MMRN1: variants seen among roughly 807,000 people sequenced by gnomAD.
The protein encoded by MMRN1 is multimerin 1, also known as multimerin-1.
MMRN1 carries 94 observed loss-of-function variants against 100.7 expected under a neutral mutation model. The observed-to-expected ratio is 0.93, with a 90% CI of 0.79 to 1.11. MMRN1 has a LOEUF of 1.11. Ranked by LOEUF, MMRN1 falls within the 50% of genes least tolerant of loss-of-function variation. The probability of loss-of-function intolerance (pLI) is 0.00; values close to 1 mark genes in which losing one functional copy is unlikely to be tolerated. For synonymous variants in MMRN1, 575 were observed against 505.0 expected (o/e 1.14, Z -1.86); for missense variants, 1,606 against 1,439.1 (o/e 1.12, Z -1.88).
chr4:89,904,043 G>A (rs1236858434), intron 1 of MMRN1, among the ~76,000 whole-genome samples: 1 of 151,586 alleles, frequency 6.6e-6, no homozygotes, highest in Non-Finnish European at 1.5e-5. Context: ...TCTACGAGGT[G>A]AAAAAAGCAT....
At chr4:89,943,128 A>T (rs1722885209) in intron 6 of MMRN1, among the ~76,000 whole-genome samples, 1 of 152,162 alleles carries the variant, frequency 6.6e-6, no homozygotes, top group Non-Finnish European at 1.5e-5. Flanking sequence ...AAGAAGAAAC[A>T]AAAGAGACAG....
At chr4:89,925,302 A>ATTTTTTTT (rs1176427401) in intron 4 of MMRN1, among the ~76,000 whole-genome samples, 2 of 101,962 alleles carry the variant, frequency 2.0e-5, no homozygotes, top group Non-Finnish European at 3.8e-5. Flanking sequence ...TGCCTGGTTA[A>ATTTTTTTT]TTTTTTTTTT....
chr4:89,925,422 A>G (rs1423867840), intron 4 of MMRN1, among the ~76,000 whole-genome samples: 2 of 145,914 alleles, frequency 1.4e-5, no homozygotes, highest in African/African-American at 5.0e-5. Flanking sequence ...TGCTGGGACT[A>G]CAGCCGTGAG....
chr4:89,930,643 TAG>T (rs1204493180), intron 5 of MMRN1, among the ~76,000 whole-genome samples: 1 of 152,174 alleles, frequency 6.6e-6, no homozygotes, highest in South Asian at 2.1e-4. Flanking sequence ...TCATGAGAAT[TAG>T]AGTCATTTTT....
intron 6 of MMRN1, among the ~76,000 whole-genome samples, chr4:89,949,703 G>T (rs1008322745): frequency 1.3e-5 from 2 of 152,092 alleles, no homozygotes; most frequent in Non-Finnish European, 1.5e-5. Context: ...ATATTGCAGA[G>T]AATATATCAA....
intron 4 of MMRN1, among the ~76,000 whole-genome samples, chr4:89,925,819 C>G (rs1722240175): frequency 6.6e-6 from 1 of 152,138 alleles, no homozygotes; most frequent in South Asian, 2.1e-4. Flanking sequence ...TGATAACCAT[C>G]CTTGTACTCT....
chr4:89,936,010 C>T lies in MMRN1; in HGVS notation c.2330C>T (p.Pro777Leu). 6.2e-7 allele frequency: 1 copy of T among 1,613,084 alleles called. No homozygotes were observed. Among genetic ancestry groups the T allele is most frequent in the Non-Finnish European group, 8.5e-7 (1 of 1,179,570 alleles). Reference sequence around the variant, plus strand: ...ATGGAAACTATTTTGACATTTATTCCTCAGTTCCACCGTCTGAATGATTCT... The same window carrying T: ...ATGGAAACTATTTTGACATTTATTCTTCAGTTCCACCGTCTGAATGATTCT... Reference protein sequence around the residue: ...SDMETILTFIPQFHRLNDSIQ... With the variant: ...SDMETILTFILQFHRLNDSIQ... Residue 777 changes from proline to leucine, a missense_variant, in exon 6 of 8, where the codon CCT (proline) becomes CTT (leucine). Transcript: ENST00000264790.
chr4:89,933,373 C>T (rs554966093), intron 5 of MMRN1, among the ~76,000 whole-genome samples: 2 of 152,226 alleles, frequency 1.3e-5, no homozygotes, highest in South Asian at 2.1e-4. Context: ...CACCTCTGCC[C>T]GTTACCCAGT....
chr4:89,915,462 CA>C (rs2110603617), intron 3 of MMRN1, among the ~76,000 whole-genome samples: 1 of 151,646 alleles, frequency 6.6e-6, no homozygotes, highest in East Asian at 1.9e-4. Flanking sequence ...CTCCTCAAGC[CA>C]CACAGGAAGG....
At chr4:89,924,324 G>A (rs1722178531) in intron 4 of MMRN1, among the ~76,000 whole-genome samples, 1 of 152,026 alleles carries the variant, frequency 6.6e-6, no homozygotes, top group South Asian at 2.1e-4. Context: ...TTAAAACACT[G>A]AAAATTCTGG....
At chr4:89,898,617 C>T (rs1021181225) in intron 1 of MMRN1, among the ~76,000 whole-genome samples, 1 of 151,736 alleles carries the variant, frequency 6.6e-6, no homozygotes, top group South Asian at 2.1e-4. Flanking sequence ...CCTCCCCAAC[C>T]TCATCTTCCG....
chr4:89,945,306 C>T (rs1324777683), intron 6 of MMRN1, among the ~76,000 whole-genome samples: 2 of 152,108 alleles, frequency 1.3e-5, no homozygotes, highest in African/African-American at 4.8e-5. Flanking sequence ...CTGCTATAAA[C>T]ATTCACATAC....
At chr4:89,880,789 C>G (rs1404743368) in intron 1 of MMRN1, among the ~76,000 whole-genome samples, 1 of 152,096 alleles carries the variant, frequency 6.6e-6, no homozygotes, top group Non-Finnish European at 1.5e-5. Context: ...GAGGAGATAA[C>G]TGAGGCTTGG....
upstream of MMRN1, chr4:89,894,816 T>C (rs1185109977): frequency 7.5e-7 from 1 of 1,337,322 alleles, no homozygotes; most frequent in Non-Finnish European, 9.8e-7. Context: ...CCGAACTTCC[T>C]GAGTACGCTA....
At chr4:89,932,090 G>A (rs1373582949) in intron 5 of MMRN1, among the ~76,000 whole-genome samples, 5 of 152,128 alleles carry the variant, frequency 3.3e-5, no homozygotes, top group Admixed American at 1.3e-4. Flanking sequence ...TATAATGCAG[G>A]CACAGGAATT....
chr4:89,941,478 T>A (rs1171408022), intron 6 of MMRN1, among the ~76,000 whole-genome samples: 4 of 152,182 alleles, frequency 2.6e-5, no homozygotes, highest in South Asian at 2.1e-4. Flanking sequence ...ACGTGTACAT[T>A]AATTCTGCCC....
rs180987611 is a variant in MMRN1 at position 89,880,350 on chromosome 4, G to T, written c.-249+748G>T. ...CAAGAGTTTTAGAGAAATTAAAAAA[G>T]ATATTATAGCTTATATGCCACTTAA... On this transcript the variant is annotated intron_variant, in intron 1 of 8. Coordinates refer to the MMRN1 transcript ENST00000394980. Among the ~76,000 whole-genome samples, 505 of 152,168 alleles carry T rather than the reference G, an allele frequency of 3.3e-3. 6 individuals carry two copies. Among genetic ancestry groups the T allele is most frequent in the African/African-American group, 0.012 (495 of 41,514 alleles).
Position 89,935,210 on chromosome 4 carries a change from T to A in MMRN1, c.1530T>A (p.Leu510=), listed in dbSNP as rs1457113110. The A allele has an allele frequency of 2.5e-6, 4 of 1,613,272 alleles. No individual in the cohort carries two copies. Among genetic ancestry groups the A allele is most frequent in the Non-Finnish European group, 3.4e-6 (4 of 1,179,706 alleles). ...ATTATGAATCCCTCAATAAAACTCTTTCTAAATTGAAGGAAGTACATGAGC... is the reference window on the plus strand; with the variant it reads ...ATTATGAATCCCTCAATAAAACTCTATCTAAATTGAAGGAAGTACATGAGC... ...ILYYESLNKT[L]SKLKEVHEQL... is the part of the protein sequence containing the mutation. The change falls in exon 6 of 8, where the codon CTT becomes CTA. Residue 510 remains leucine (L), a synonymous_variant. Coordinates refer to ENST00000264790, the MANE Select transcript of MMRN1 (RefSeq NM_007351.3).
Position 89,951,738 on chromosome 4 carries a change from T to C in MMRN1, c.3252T>C (p.Asn1084=), listed in dbSNP as rs199795556. The C allele has an allele frequency of 2.5e-5, 41 of 1,612,592 alleles. 1 individual carries two copies. The South Asian group carries it at 4.0e-4, about 16-fold the overall frequency. ...DNCTIKLVEE[N]ALAPDFSKGS... The stretch of plus-strand genomic sequence containing the variant: ...GCACTATCAAGCTTGTGGAAGAAAA[T>C]GCTTTAGCTCCAGGTAAAAAAAAAG... Residue 1084 remains asparagine (N), a synonymous_variant, in exon 7 of 8, where the codon AAT becomes AAC. Coordinates refer to ENST00000264790, the MANE Select transcript of MMRN1 (RefSeq NM_007351.3).
Sources: gnomAD v4.1 joint callset for allele counts (sites outside exome capture counted in the v4.1 genomes callset) on GRCh38, gnomAD v4.1.1 for gene constraint, MANE v1.5 for transcripts, NCBI Gene and HGNC (gene_info 2026-07-23, HGNC 2026-07-21) for gene names.